HIPK2: variants seen among roughly 807,000 people sequenced by gnomAD.
HIPK2 encodes the protein homeodomain interacting protein kinase 2.
Under a neutral mutation model 113.7 loss-of-function variants are expected in HIPK2, and 27 were observed. That is an observed-to-expected ratio of 0.24 (90% CI 0.17 to 0.33). HIPK2 has a LOEUF of 0.33. Among genes scored for constraint, HIPK2 ranks in the 10% least tolerant of loss-of-function variants. The probability of loss-of-function intolerance (pLI) is 1.00; values close to 1 mark genes in which losing one functional copy is unlikely to be tolerated. For synonymous variants in HIPK2, 631 were observed against 642.2 expected, an observed-to-expected ratio of 0.98 and a Z score of 0.26; for missense variants, 1,257 against 1,588.0, an observed-to-expected ratio of 0.79 and a Z score of 3.54.
intron 12 of HIPK2, among the ~76,000 whole-genome samples, chr7:139,595,587 G>C (rs78257794): frequency 2.0e-5 from 3 of 152,164 alleles, no homozygotes; most frequent in Non-Finnish European, 4.4e-5. Context: ...TGACAATTAG[G>C]CTGTACCTAA....
chr7:139,622,517 T>C lies in HIPK2; in HGVS notation c.1620-1954A>G, dbSNP rs376279260. Reference sequence around the variant, plus strand: ...TTTTCCAACTGAAATATTTCAAGTTTTGGGTTTTAGGAAAGGGCAAGTCCT... The same window carrying C: ...TTTTCCAACTGAAATATTTCAAGTTCTGGGTTTTAGGAAAGGGCAAGTCCT... On this transcript the variant is annotated intron_variant, in intron 6 of 14. Transcript: ENST00000406875. 3.3e-4 allele frequency among the ~76,000 whole-genome samples: 50 copies of C among 152,278 alleles called. No individual in the cohort carries two copies. The South Asian group carries it at 0.01, about 32-fold the overall frequency.
intron 2 of HIPK2, among the ~76,000 whole-genome samples, chr7:139,644,109 G>A (rs1246526345): frequency 6.6e-6 from 1 of 152,136 alleles, no homozygotes; most frequent in Non-Finnish European, 1.5e-5. Flanking sequence ...CTCTGCAGGT[G>A]CCTATCTATG....
chr7:139,735,269 T>A (rs1469584518), intron 1 of HIPK2, among the ~76,000 whole-genome samples: 1 of 152,228 alleles, frequency 6.6e-6, no homozygotes, highest in Non-Finnish European at 1.5e-5. Context: ...CATCTCTTAC[T>A]GGGATTCCAG....
intron 2 of HIPK2, among the ~76,000 whole-genome samples, chr7:139,641,620 G>A (rs1801026038): frequency 6.6e-6 from 1 of 152,204 alleles, no homozygotes; most frequent in African/African-American, 2.4e-5. Context: ...AGGTTTGGGA[G>A]GGTGGTCCCG....
rs569500525 is a variant in HIPK2 at position 139,570,995 on chromosome 7, T to A, written c.*1932A>T. 6.6e-6 allele frequency: 1 copy of A among 152,196 alleles called. No homozygotes were observed. The highest frequency in any genetic ancestry group is 2.1e-4 in the South Asian group (1 of 4,830). 9.4% of individuals were successfully genotyped at this position (152,196 alleles called of 1,614,324 possible). A position where few individuals can be genotyped will look rare whatever the true frequency, so the allele number is the denominator to read the frequency against. On this transcript the variant is annotated 3_prime_UTR_variant, in exon 15 of 15. Coordinates refer to ENST00000406875, the MANE Select transcript of HIPK2 (RefSeq NM_022740.5). ...AGCCTGAGAAAACTTCCAGAATGTA[T>A]CAAAGGTGCAAAGAGGGCAAAGGGC...
chr7:139,580,981 A>G (rs1468598443), intron 13 of HIPK2, among the ~76,000 whole-genome samples: 5 of 152,136 alleles, frequency 3.3e-5, no homozygotes, highest in African/African-American at 1.2e-4. Flanking sequence ...GCACTTTGGG[A>G]GGCTGAGGCG....
At position 139,600,506 on chromosome 7, in the gene HIPK2, G is replaced by C. The variant is rs750913220; in HGVS notation, c.2346C>G (p.Pro782=). ...TCACGTGGGCCACACCCACATTTAA[G>C]GGCTGTGCTGCTGGAAGGGTCACAT... ...TGHVTLPAAQ[P]LNVGVAHVMR... The change falls in exon 11 of 15, where the codon CCC becomes CCG. Residue 782 remains proline (P), a synonymous_variant. Coordinates refer to ENST00000406875, the MANE Select transcript of HIPK2 (RefSeq NM_022740.5). 1.2e-6 allele frequency: 2 copies of C among 1,614,070 alleles called. No homozygotes were observed. Among genetic ancestry groups the C allele is most frequent in the Admixed American group, 3.3e-5 (2 of 60,034 alleles).
rs1796805530 is a variant in HIPK2 at position 139,777,656 on chromosome 7, G to A, written c.-33C>T. 1 of 1,100,292 alleles carries A rather than the reference G, an allele frequency of 9.1e-7. No individual in the cohort carries two copies. Among genetic ancestry groups the A allele is most frequent in the Non-Finnish European group, 1.1e-6 (1 of 902,010 alleles). 68.2% of individuals were successfully genotyped at this position (1,100,292 alleles called of 1,614,324 possible). A position where few individuals can be genotyped will look rare whatever the true frequency, so the allele number is the denominator to read the frequency against. On this transcript the variant is annotated 5_prime_UTR_variant, in exon 1 of 15. Transcript: ENST00000406875. ...GGGGTGTCCGCGGTTCATGGCAACG[G>A]GGACGGGAAAGCGGCGCGCGAGCTC...
chr7:139,644,041 A>C (rs1585318203), intron 2 of HIPK2, among the ~76,000 whole-genome samples: 1 of 152,214 alleles, frequency 6.6e-6, no homozygotes, highest in East Asian at 1.9e-4. Context: ...TTGTCAAAGA[A>C]TGTGCTCAAC....
intron 2 of HIPK2, among the ~76,000 whole-genome samples, chr7:139,655,449 G>A (rs1274834354): frequency 6.6e-6 from 1 of 152,198 alleles, no homozygotes; most frequent in Non-Finnish European, 1.5e-5. Context: ...GGTGGCTGTA[G>A]ACAGAAGGCG....
At chr7:139,677,230 G>A (rs1802533701) in intron 2 of HIPK2, among the ~76,000 whole-genome samples, 1 of 143,504 alleles carries the variant, frequency 7.0e-6, no homozygotes, top group Non-Finnish European at 1.5e-5. Context: ...GAGAGGGGCT[G>A]ATATTATATA....
intron 1 of HIPK2, among the ~76,000 whole-genome samples, chr7:139,724,757 C>T (rs1165276382): frequency 6.7e-6 from 1 of 148,348 alleles, no homozygotes; most frequent in Non-Finnish European, 1.5e-5. Flanking sequence ...GTTCAATTCC[C>T]ATCTATGAGT....
intron 2 of HIPK2, among the ~76,000 whole-genome samples, chr7:139,692,359 A>G (rs2116791243): frequency 6.6e-6 from 1 of 152,354 alleles, no homozygotes; most frequent in East Asian, 1.9e-4. Context: ...CACACTGGCT[A>G]CAGAGAGGGT....
chr7:139,576,174 G>A (rs1798483605), intron 13 of HIPK2, among the ~76,000 whole-genome samples: 1 of 152,238 alleles, frequency 6.6e-6, no homozygotes, highest in South Asian at 2.1e-4. Context: ...CCTCTAGGCA[G>A]GATGAGACTA....
chr7:139,690,067 G>A lies in HIPK2; in HGVS notation c.1103+25865C>T, dbSNP rs1305470132. Among the ~76,000 whole-genome samples the A allele has an allele frequency of 3.3e-5, 5 of 151,006 alleles. 2 individuals are homozygous for A. The highest frequency in any genetic ancestry group is 3.3e-4 in the Admixed American group (5 of 15,144). Reference sequence around the variant, plus strand: ...GTCCATGAGAAGCGGTGGGGGCGGGGGTGGGGGAGTGCGGGGAGGGACAGC... The same window carrying A: ...GTCCATGAGAAGCGGTGGGGGCGGGAGTGGGGGAGTGCGGGGAGGGACAGC... On this transcript the variant is annotated intron_variant, in intron 2 of 14. Transcript: ENST00000406875.
chr7:139,664,850 C>G, intron 2 of HIPK2, among the ~76,000 whole-genome samples: 1 of 152,152 alleles, frequency 6.6e-6, no homozygotes, highest in East Asian at 1.9e-4. Context: ...TAACTGCTCC[C>G]TATTTTTTTA....
Position 139,626,771 on chromosome 7 carries a change from T to C in HIPK2, c.1449A>G (p.Thr483=). 1 of 1,613,998 alleles carries C rather than the reference T, an allele frequency of 6.2e-7. No individual in the cohort carries two copies. Among genetic ancestry groups the C allele is most frequent in the Non-Finnish European group, 8.5e-7 (1 of 1,179,888 alleles). The change falls in exon 6 of 15, where the codon ACA becomes ACG. Residue 483 remains threonine (T), a synonymous_variant. Coordinates refer to ENST00000406875, the MANE Select transcript of HIPK2 (RefSeq NM_022740.5). The part of the protein sequence containing the change: ...LDDMAQVNMT[T]DLEGSDMLVE... ...CCAACATGTCGCTCCCTTCCAAATC[T>C]GTCGTCATGTTCACCTGGACGCAAG...
At chr7:139,601,517 G>A (rs975609955) in intron 10 of HIPK2, among the ~76,000 whole-genome samples, 1 of 152,196 alleles carries the variant, frequency 6.6e-6, no homozygotes, top group Non-Finnish European at 1.5e-5. Flanking sequence ...TATAGCAGCT[G>A]ATCAATTAAT....
intron 2 of HIPK2, among the ~76,000 whole-genome samples, chr7:139,663,083 C>T (rs1585346501): frequency 6.6e-6 from 1 of 152,146 alleles, no homozygotes; most frequent in South Asian, 2.1e-4. Context: ...CCATGACCTT[C>T]GACACTAATT....
Sources: allele counts gnomAD v4.1 joint callset (sites outside exome capture counted in the v4.1 genomes callset), GRCh38; gene constraint gnomAD v4.1.1; transcripts MANE v1.5; gene names NCBI Gene and HGNC (gene_info 2026-07-23, HGNC 2026-07-21).